ABTB3: variants seen among roughly 807,000 people sequenced by gnomAD.
ABTB3 encodes the protein ankyrin repeat and BTB domain containing 3.
At chr12:107,368,768 T>C in the ABTB3 span, among the ~76,000 whole-genome samples, 3 of 152,182 alleles carry the variant, frequency 2.0e-5, no homozygotes, top group Admixed American at 6.5e-5. Flanking sequence ...TTACTCAACA[T>C]TGTAATTTTG....
chr12:107,503,507 C>T, the ABTB3 span, among the ~76,000 whole-genome samples: 1 of 151,952 alleles, frequency 6.6e-6, no homozygotes, highest in South Asian at 2.1e-4. Flanking sequence ...TGGCTCACAC[C>T]TGTAATCCCA....
At chr12:107,591,401 G>A in the ABTB3 span, among the ~76,000 whole-genome samples, 25 of 152,174 alleles carry the variant, frequency 1.6e-4, no homozygotes, top group South Asian at 2.1e-4. Context: ...CCATCATGGC[G>A]GAAGGGGAAG....
the ABTB3 span, among the ~76,000 whole-genome samples, chr12:107,590,315 A>G: frequency 3.3e-5 from 5 of 152,130 alleles, no homozygotes; most frequent in African/African-American, 9.7e-5. Context: ...AACTAAAGAA[A>G]CCTTTGGGGG....
At chr12:107,345,922 A>G in the ABTB3 span, among the ~76,000 whole-genome samples, 1 of 152,250 alleles carries the variant, frequency 6.6e-6, no homozygotes. Flanking sequence ...CAAAAGTTTT[A>G]CAAGACATTA....
the ABTB3 span, chr12:107,659,549 C>T: frequency 6.6e-6 from 1 of 152,242 alleles, no homozygotes; most frequent in Non-Finnish European, 1.5e-5. Context: ...TCAGGGCCTC[C>T]AGGCATTGAT....
the ABTB3 span, among the ~76,000 whole-genome samples, chr12:107,330,814 A>C: frequency 6.6e-6 from 1 of 152,268 alleles, no homozygotes; most frequent in Non-Finnish European, 1.5e-5. Flanking sequence ...TACATCTCAC[A>C]GTAAAATAAA....
the ABTB3 span, among the ~76,000 whole-genome samples, chr12:107,604,467 G>A: frequency 6.6e-6 from 1 of 152,072 alleles, no homozygotes; most frequent in South Asian, 2.1e-4. Flanking sequence ...TCCTAAACAT[G>A]TCATTTCTCA....
chr12:107,618,238 G>A, the ABTB3 span: 2 of 1,613,984 alleles, frequency 1.2e-6, no homozygotes, highest in Non-Finnish European at 1.7e-6. Flanking sequence ...CTGGCCGAGG[G>A]GACTGACCTG....
the ABTB3 span, among the ~76,000 whole-genome samples, chr12:107,547,540 G>C: frequency 1.3e-5 from 2 of 152,192 alleles, no homozygotes; most frequent in East Asian, 3.9e-4. Flanking sequence ...CAGGGAAGGA[G>C]AGCAAAGAGA....
the ABTB3 span, among the ~76,000 whole-genome samples, chr12:107,358,826 C>T: frequency 2.6e-5 from 4 of 152,164 alleles, no homozygotes; most frequent in African/African-American, 4.8e-5. Context: ...ATCCACCCTC[C>T]GGTGATTCAC....
the ABTB3 span, among the ~76,000 whole-genome samples, chr12:107,463,102 T>C: frequency 6.7e-6 from 1 of 150,236 alleles, no homozygotes; most frequent in East Asian, 2.0e-4. Context: ...GTGATGATGA[T>C]GGTGATAGTG....
the ABTB3 span, among the ~76,000 whole-genome samples, chr12:107,558,333 T>A: frequency 1.3e-5 from 2 of 152,184 alleles, no homozygotes; most frequent in South Asian, 2.1e-4. Flanking sequence ...AGCCACGATG[T>A]CCCTGCCATC....
chr12:107,431,470 G>A, the ABTB3 span, among the ~76,000 whole-genome samples: 2 of 152,070 alleles, frequency 1.3e-5, no homozygotes, highest in African/African-American at 2.4e-5. Flanking sequence ...TTAGCCGGGC[G>A]TGGTGGCGCA....
At chr12:107,563,667 G>A in the ABTB3 span, among the ~76,000 whole-genome samples, 1 of 152,142 alleles carries the variant, frequency 6.6e-6, no homozygotes, top group African/African-American at 2.4e-5. Context: ...TGGTTATGGA[G>A]GGCTCTTGGA....
At chr12:107,501,768 G>T in the ABTB3 span, among the ~76,000 whole-genome samples, 9 of 152,162 alleles carry the variant, frequency 5.9e-5, no homozygotes, top group Admixed American at 5.9e-4. Context: ...AAAATGTCCA[G>T]GCACATGTCT....
chr12:107,338,450 T>G, the ABTB3 span, among the ~76,000 whole-genome samples: 117,743 of 152,130 alleles, frequency 0.77, 46,428 homozygotes, highest in African/African-American at 0.94. Flanking sequence ...TCTTGCCCTA[T>G]GTTACCAAAT....
At chr12:107,509,789 C>T in the ABTB3 span, among the ~76,000 whole-genome samples, 2 of 152,242 alleles carry the variant, frequency 1.3e-5, no homozygotes, top group African/African-American at 4.8e-5. Context: ...AAGGGGTTTC[C>T]AGGCTAGTGT....
chr12:107,404,789 C>A, the ABTB3 span, among the ~76,000 whole-genome samples: 1 of 152,160 alleles, frequency 6.6e-6, no homozygotes, highest in East Asian at 1.9e-4. Flanking sequence ...CGGCCCCAAT[C>A]AGAGCTCTCT....
chr12:107,396,155 C>A, the ABTB3 span, among the ~76,000 whole-genome samples: 2,347 of 152,312 alleles, frequency 0.015, 79 homozygotes, highest in African/African-American at 0.053. Context: ...CCTTTAGAAC[C>A]CAGCCCAGCC....
Sources: gnomAD v4.1 joint callset for allele counts (sites outside exome capture counted in the v4.1 genomes callset) on GRCh38, gnomAD v4.1.1 for gene constraint, MANE v1.5 for transcripts, NCBI Gene and HGNC (gene_info 2026-07-23, HGNC 2026-07-21) for gene names.